The following NREP variants were observed in gnomAD, a reference collection of about 807,000 sequenced individuals.
NREP encodes neuronal regeneration related protein, also known as neuronal regeneration-related protein.
A neutral mutation model predicts 8.6 loss-of-function variants in NREP; 5 were observed. The ratio of observed to expected loss-of-function variants is 0.58; its 90% CI spans 0.30 to 1.22. The LOEUF (loss-of-function observed/expected upper bound fraction) is 1.22, where lower values mean the gene tolerates loss of function less well. NREP is among the 50% of genes most tolerant of loss of function. NREP has a pLI of 0.07. For synonymous variants in NREP, 27 were observed against 28.0 expected, an observed-to-expected ratio of 0.96 and a Z score of 0.11; for missense variants, 86 against 82.5, an observed-to-expected ratio of 1.04 and a Z score of -0.17.
At chr5:111,780,572 A>G (rs1272279799) in intron 2 of NREP, among the ~76,000 whole-genome samples, 3 of 152,144 alleles carry the variant, frequency 2.0e-5, no homozygotes, top group African/African-American at 4.8e-5. Context: ...TTGCTAGTAT[A>G]TGTTTGGTGG....
intron 2 of NREP, 123 bp from the exon 3 acceptor site, chr5:111,735,630 G>T: frequency 3.1e-6 from 2 of 644,312 alleles, no homozygotes. Flanking sequence ...ACCACTTAGA[G>T]CACTGGGGAA....
chr5:111,886,036 G>A (rs1381075461), intron 2 of NREP, among the ~76,000 whole-genome samples: 12 of 152,272 alleles, frequency 7.9e-5, no homozygotes, highest in Admixed American at 2.6e-4. Flanking sequence ...TGAACAGGCA[G>A]CCTCCAAAAT....
chr5:111,772,041 T>TA (rs1751243191), intron 2 of NREP, among the ~76,000 whole-genome samples: 1 of 152,198 alleles, frequency 6.6e-6, no homozygotes, highest in Non-Finnish European at 1.5e-5. Flanking sequence ...GAAATGAAGT[T>TA]ATTAGGAATT....
At chr5:111,780,121 G>C (rs1388476543) in intron 2 of NREP, among the ~76,000 whole-genome samples, 1 of 152,122 alleles carries the variant, frequency 6.6e-6, no homozygotes, top group Admixed American at 6.5e-5. Flanking sequence ...ACGGGGGTGG[G>C]AATGGGGCAT....
intron 2 of NREP, among the ~76,000 whole-genome samples, chr5:111,920,806 G>A (rs1251509169): frequency 6.6e-6 from 1 of 152,124 alleles, no homozygotes; most frequent in African/African-American, 2.4e-5. Flanking sequence ...ACTACAAAGT[G>A]GATGTGCCTG....
chr5:111,865,932 T>G (rs1164872988), intron 2 of NREP, among the ~76,000 whole-genome samples: 1 of 152,122 alleles, frequency 6.6e-6, no homozygotes, highest in Non-Finnish European at 1.5e-5. Context: ...TCATAAACTG[T>G]TCAACAATGC....
intron 2 of NREP, among the ~76,000 whole-genome samples, chr5:111,810,340 C>A (rs892208659): frequency 6.6e-6 from 1 of 152,208 alleles, no homozygotes; most frequent in Non-Finnish European, 1.5e-5. Context: ...AGATAACCGG[C>A]TCACCAGTGC....
intron 2 of NREP, among the ~76,000 whole-genome samples, chr5:111,903,017 GAGA>G (rs1754683582): frequency 6.6e-6 from 1 of 151,486 alleles, no homozygotes; most frequent in Non-Finnish European, 1.5e-5. Context: ...CTTTTATGTT[GAGA>G]AGTTTATATT....
chr5:111,860,418 T>A (rs561526355), intron 2 of NREP, among the ~76,000 whole-genome samples: 1 of 152,320 alleles, frequency 6.6e-6, no homozygotes, highest in African/African-American at 2.4e-5. Flanking sequence ...CAGTTAGTGA[T>A]GAGACCCAGG....
chr5:111,813,845 T>C (rs1752322799), intron 2 of NREP, among the ~76,000 whole-genome samples: 3 of 152,104 alleles, frequency 2.0e-5, no homozygotes, highest in Admixed American at 2.0e-4. Context: ...TACATAAGCA[T>C]GGAAAGTGCT....
Position 111,731,050 on chromosome 5 carries a change from C to T in NREP, c.82-4G>A. On this transcript the variant is annotated splice_polypyrimidine_tract_variant and splice_region_variant and intron_variant, in intron 3 of 3. Coordinates refer to ENST00000257435, the MANE Select transcript of NREP (RefSeq NM_004772.4). ...CCTTTGGGACAGGAAGTCTTCCCTG[C>T]AAAGCAGGCAGACCCACACACAGAC... 1 of 1,613,562 alleles carries T rather than the reference C, an allele frequency of 6.2e-7. No individual in the cohort carries two copies. The highest frequency in any genetic ancestry group is 8.5e-7 in the Non-Finnish European group (1 of 1,179,662).
intron 2 of NREP, among the ~76,000 whole-genome samples, chr5:111,931,384 T>C (rs914758093): frequency 2.0e-5 from 3 of 152,100 alleles, no homozygotes; most frequent in Admixed American, 2.0e-4. Flanking sequence ...CTAGCTGTCA[T>C]GTCATGAGGA....
chr5:111,772,444 A>C (rs889238508), intron 2 of NREP, among the ~76,000 whole-genome samples: 1 of 152,178 alleles, frequency 6.6e-6, no homozygotes, highest in Non-Finnish European at 1.5e-5. Flanking sequence ...CTTTTGTTTA[A>C]AAAATGTGAT....
chr5:111,954,950 G>C (rs931674166), intron 2 of NREP, among the ~76,000 whole-genome samples: 6 of 152,186 alleles, frequency 3.9e-5, no homozygotes, highest in African/African-American at 1.4e-4. Context: ...GCTAAAAAGA[G>C]CAGGATGGGA....
At chr5:111,874,946 G>T (rs997352544) in intron 2 of NREP, among the ~76,000 whole-genome samples, 1 of 152,148 alleles carries the variant, frequency 6.6e-6, no homozygotes, top group African/African-American at 2.4e-5. Context: ...TTTTATTTTG[G>T]ACTCCAAACT....
chr5:111,949,596 G>A (rs2112631656), intron 2 of NREP, among the ~76,000 whole-genome samples: 1 of 151,718 alleles, frequency 6.6e-6, no homozygotes, highest in East Asian at 1.9e-4. Context: ...TGTCATCTAG[G>A]TTGCCCTGGT....
chr5:111,955,476 AAAAAAC>A lies in NREP; in HGVS notation c.135+19792_135+19797del, dbSNP rs1421390891. 5.1e-3 allele frequency among the ~76,000 whole-genome samples: 555 copies of A among 109,470 alleles called. 2 individuals carry two copies. The highest frequency in any genetic ancestry group is 0.011 in the African/African-American group (382 of 34,342). 71.8% of individuals were successfully genotyped at this position (109,470 alleles called of 152,430 possible). ...ACACAGGGGGCCAATACAGAAAAAA[AAAAAAC>A]AAAAAACAAAAAACAAAAAAAAAAA... On this transcript the variant is annotated intron_variant, in intron 2 of 3. Coordinates refer to the NREP transcript ENST00000395634.
intron 2 of NREP, among the ~76,000 whole-genome samples, chr5:111,926,120 T>G (rs770104283): frequency 6.6e-6 from 1 of 152,114 alleles, no homozygotes; most frequent in Non-Finnish European, 1.5e-5. Context: ...GGTCTCCTTT[T>G]ATTTGTCTAA....
At chr5:111,819,272 C>G (rs1213895064) in intron 2 of NREP, among the ~76,000 whole-genome samples, 3 of 152,166 alleles carry the variant, frequency 2.0e-5, no homozygotes, top group African/African-American at 7.2e-5. Context: ...ACTACTCACC[C>G]TGCCACTCTG....
Sources: allele counts gnomAD v4.1 joint callset (sites outside exome capture counted in the v4.1 genomes callset), GRCh38; gene constraint gnomAD v4.1.1; transcripts MANE v1.5; gene names NCBI Gene and HGNC (gene_info 2026-07-23, HGNC 2026-07-21).